Variants in AGBL1 observed in about 807,000 individuals in gnomAD.
AGBL1 encodes the protein AGBL carboxypeptidase 1, also known as cytosolic carboxypeptidase 4.
In AGBL1, 130 loss-of-function variants were observed where a neutral mutation model predicts 118.9. The ratio of observed to expected loss-of-function variants is 1.09; its 90% CI spans 0.95 to 1.26. AGBL1 has a LOEUF of 1.26. AGBL1 is among the 50% of genes most tolerant of loss of function. The pLI is 0.00. For synonymous variants in AGBL1, 555 were observed against 478.9 expected (o/e 1.16, Z -2.08); for missense variants, 1,584 against 1,298.1 (o/e 1.22, Z -3.38).
intron 22 of AGBL1, among the ~76,000 whole-genome samples, chr15:86,782,778 A>G (rs1360862049): frequency 6.6e-6 from 1 of 152,236 alleles, no homozygotes; most frequent in Non-Finnish European, 1.5e-5. Flanking sequence ...AGATTTGCTG[A>G]AACTTTGCCT....
At chr15:86,723,190 A>C (rs1180488143) in intron 22 of AGBL1, among the ~76,000 whole-genome samples, 2 of 152,230 alleles carry the variant, frequency 1.3e-5, no homozygotes, top group Non-Finnish European at 2.9e-5. Flanking sequence ...TGCTGTTATA[A>C]AGACACATGC....
At chr15:86,652,608 A>G (rs1332353492) in intron 21 of AGBL1, among the ~76,000 whole-genome samples, 1 of 152,150 alleles carries the variant, frequency 6.6e-6, no homozygotes, top group Admixed American at 6.6e-5. Flanking sequence ...CTAGCATACT[A>G]TCCATTTATT....
intron 1 of AGBL1, among the ~76,000 whole-genome samples, chr15:86,109,301 T>C (rs1467998603): frequency 6.6e-6 from 1 of 152,198 alleles, no homozygotes; most frequent in Non-Finnish European, 1.5e-5. Flanking sequence ...TAAGTATGAA[T>C]GAGGATACTT....
chr15:86,388,661 C>T (rs1461252706), intron 17 of AGBL1, among the ~76,000 whole-genome samples: 1 of 152,132 alleles, frequency 6.6e-6, no homozygotes, highest in Non-Finnish European at 1.5e-5. Context: ...CAATAAGATT[C>T]ATTTTGGCCT....
intron 23 of AGBL1, among the ~76,000 whole-genome samples, chr15:86,945,986 TATTATA>T (rs1275707203): frequency 6.6e-6 from 1 of 152,218 alleles, no homozygotes; most frequent in Non-Finnish European, 1.5e-5. Context: ...AGAAGACAGG[TATTATA>T]ATTCTCATTT....
intron 21 of AGBL1, among the ~76,000 whole-genome samples, chr15:86,625,365 G>GTTTTTTTTTTTTTTTTTTTTTTTTTTTT (rs1176940848): frequency 8.1e-6 from 1 of 123,074 alleles, no homozygotes; most frequent in African/African-American, 3.1e-5. Context: ...AGAAATTAGC[G>GTTTTTTTTTTTTTTTTTTTTTTTTTTTT]TTTTTTTTTT....
chr15:86,795,885 C>T (rs188999158), intron 22 of AGBL1, among the ~76,000 whole-genome samples: 9 of 151,530 alleles, frequency 5.9e-5, no homozygotes, highest in African/African-American at 1.7e-4. Flanking sequence ...CCTGCCTGGC[C>T]GGTTTCTGCT....
chr15:86,126,372 AC>A (rs1478779233), intron 1 of AGBL1, among the ~76,000 whole-genome samples: 12 of 152,158 alleles, frequency 7.9e-5, no homozygotes, highest in Non-Finnish European at 1.8e-4. Flanking sequence ...ATTATTGACA[AC>A]CAAGAATCCA....
At chr15:86,535,148 G>A (rs1203866345) in intron 19 of AGBL1, among the ~76,000 whole-genome samples, 1 of 152,206 alleles carries the variant, frequency 6.6e-6, no homozygotes, top group Non-Finnish European at 1.5e-5. Context: ...AAGGAAAACA[G>A]TTTTCCCAGG....
chr15:86,518,653 T>G (rs1482871789), intron 18 of AGBL1, among the ~76,000 whole-genome samples: 1 of 152,112 alleles, frequency 6.6e-6, no homozygotes, highest in African/African-American at 2.4e-5. Context: ...AGATAATGCG[T>G]GTGGGAAACA....
chr15:86,829,328 A>G (rs1453798131), intron 22 of AGBL1, among the ~76,000 whole-genome samples: 16 of 152,186 alleles, frequency 1.1e-4, no homozygotes, highest in Admixed American at 1.0e-3. Context: ...GCAAGGGTCA[A>G]GTGGGCTCTG....
chr15:86,845,370 C>T (rs1272976565), intron 22 of AGBL1, among the ~76,000 whole-genome samples: 3 of 152,096 alleles, frequency 2.0e-5, no homozygotes, highest in African/African-American at 7.2e-5. Context: ...GCACTGTACA[C>T]AATACAGTGT....
intron 21 of AGBL1, among the ~76,000 whole-genome samples, chr15:86,555,162 A>G (rs1672563808): frequency 6.6e-6 from 1 of 152,254 alleles, no homozygotes; most frequent in East Asian, 1.9e-4. Flanking sequence ...TAGCTGCTAC[A>G]GCAGGCTGTT....
At chr15:86,920,259 G>T (rs1329991782), downstream of AGBL1, among the ~76,000 whole-genome samples, 1 of 152,192 alleles carries the variant, frequency 6.6e-6, no homozygotes, top group Non-Finnish European at 1.5e-5. Flanking sequence ...CAGAGGGGCT[G>T]TTCTCAGCTC....
chr15:86,646,727 A>G (rs2085285120), intron 21 of AGBL1, among the ~76,000 whole-genome samples: 1 of 152,328 alleles, frequency 6.6e-6, no homozygotes, highest in African/African-American at 2.4e-5. Context: ...CAATTTTGCC[A>G]TTAGTCAGTC....
At chr15:86,410,909 ATATATGTTATAT>A (rs2081608905) in intron 18 of AGBL1, among the ~76,000 whole-genome samples, 1 of 121,200 alleles carries the variant, frequency 8.3e-6, no homozygotes, top group Admixed American at 1.0e-4. Flanking sequence ...ATTATATATA[ATATATGTTATAT>A]AATATATATA....
At chr15:86,338,606 G>C (rs1453440440) in intron 17 of AGBL1, among the ~76,000 whole-genome samples, 1 of 152,098 alleles carries the variant, frequency 6.6e-6, no homozygotes, top group Admixed American at 6.5e-5. Context: ...AAGGTAGGGG[G>C]GTGGCTGTAT....
intron 22 of AGBL1, among the ~76,000 whole-genome samples, chr15:86,895,882 T>C (rs1405554347): frequency 1.3e-5 from 2 of 152,116 alleles, no homozygotes; most frequent in Non-Finnish European, 2.9e-5. Flanking sequence ...TATTTACTTA[T>C]GAACTTCATA....
intron 21 of AGBL1, among the ~76,000 whole-genome samples, chr15:86,662,588 C>G (rs946354681): frequency 1.3e-5 from 2 of 152,290 alleles, no homozygotes; most frequent in African/African-American, 2.4e-5. Context: ...GATTCATTGG[C>G]TGCTGCAATG....
Sources: gnomAD v4.1 joint callset for allele counts (sites outside exome capture counted in the v4.1 genomes callset) on GRCh38, gnomAD v4.1.1 for gene constraint, MANE v1.5 for transcripts, NCBI Gene and HGNC (gene_info 2026-07-23, HGNC 2026-07-21) for gene names.